Variants in ANGPT2 observed in about 807,000 individuals in gnomAD.
The protein encoded by ANGPT2 is angiopoietin-2.
ANGPT2 carries 28 observed loss-of-function variants against 62.9 expected under a neutral mutation model. That is an observed-to-expected ratio of 0.44 (90% CI 0.33 to 0.61). The LOEUF is 0.61. Ranked by LOEUF, ANGPT2 falls within the 20% of genes least tolerant of loss-of-function variation. ANGPT2 has a pLI of 0.03. For synonymous variants in ANGPT2, 284 were observed against 207.8 expected, an observed-to-expected ratio of 1.37 and a Z score of -3.15; for missense variants, 727 against 594.9, an observed-to-expected ratio of 1.22 and a Z score of -2.31.
At chr8:6,534,691 G>T (rs1020915038) in intron 1 of ANGPT2, among the ~76,000 whole-genome samples, 2 of 152,156 alleles carry the variant, frequency 1.3e-5, no homozygotes, top group African/African-American at 2.4e-5. Context: ...CGGCAGGCCA[G>T]CAACCATCTC....
intron 1 of ANGPT2, among the ~76,000 whole-genome samples, chr8:6,547,958 G>C (rs953285247): frequency 6.6e-6 from 1 of 151,246 alleles, no homozygotes; most frequent in Non-Finnish European, 1.5e-5. Flanking sequence ...CTACGAGCCA[G>C]TTTAATTTTA....
intron 5 of ANGPT2, 141 bp downstream of exon 5, chr8:6,519,723 G>C (rs1242253422): frequency 9.8e-7 from 1 of 1,018,086 alleles, no homozygotes; most frequent in Non-Finnish European, 1.4e-6. Context: ...TCTAGGCGAG[G>C]TAGCTGCCCA....
At chr8:6,516,598 C>T (rs568921584) in intron 5 of ANGPT2, among the ~76,000 whole-genome samples, 29 of 152,290 alleles carry the variant, frequency 1.9e-4, no homozygotes, top group African/African-American at 6.7e-4. Context: ...CAGTGCTGCT[C>T]ACTTCTATCA....
intron 2 of ANGPT2, among the ~76,000 whole-genome samples, chr8:6,531,086 G>A (rs1434833850): frequency 1.3e-5 from 2 of 152,194 alleles, no homozygotes; most frequent in Non-Finnish European, 2.9e-5. Context: ...GAGTCAGAAA[G>A]CGGGCTTGGC....
In ANGPT2 at chr8:6,562,824, C is replaced by T; in HGVS notation, c.111G>A (p.Gln37=). ...DSIGKKQYQV[Q]HGSCSYTFLL... is the part of the protein sequence containing the mutation. ...GGAAAGTGTAGCTGCAGGACCCATG[C>T]TGGACCTGATATTGCTTCTTTCCTA... The change falls in exon 1 of 9, where the codon CAG becomes CAA. Residue 37 remains glutamine (Q), a synonymous_variant. Transcript: ENST00000629816. The T allele has an allele frequency of 1.9e-6, 3 of 1,613,830 alleles. No homozygotes were observed. The highest frequency in any genetic ancestry group is 2.5e-6 in the Non-Finnish European group (3 of 1,179,960).
At position 6,519,332 on chromosome 8, in the gene ANGPT2, G is replaced by A. The variant is rs1329761051; in HGVS notation, c.927+532C>T. ...TTGCTCAGATAGAGCAAAAACCATG[G>A]TGGGTAAAACTGCCACCATCCCCGT... is the stretch of plus-strand genomic sequence containing the variant. On this transcript the variant is annotated intron_variant, in intron 5 of 8. Coordinates refer to ENST00000629816, the MANE Select transcript of ANGPT2 (RefSeq NM_001118887.2). Among the ~76,000 whole-genome samples the A allele has an allele frequency of 2.0e-5, 3 of 152,290 alleles. No homozygotes were observed. The East Asian group carries it at 5.8e-4, about 29-fold the overall frequency.
In ANGPT2 at chr8:6,502,307, G is replaced by T. The variant is rs1812341865; in HGVS notation, c.*794C>A. On this transcript the variant is annotated 3_prime_UTR_variant, in exon 9 of 9. Coordinates refer to ENST00000629816, the MANE Select transcript of ANGPT2 (RefSeq NM_001118887.2). ...TAAACATAGGCATATCCCCTAATAAGTTATATTTAATTACTAAAAATACCT... is the reference window on the plus strand; with the variant it reads ...TAAACATAGGCATATCCCCTAATAATTTATATTTAATTACTAAAAATACCT... 6.6e-6 allele frequency: 1 copy of T among 151,974 alleles called. No individual in the cohort carries two copies. Among genetic ancestry groups the T allele is most frequent in the African/African-American group, 2.4e-5 (1 of 41,370 alleles). 9.4% of individuals were successfully genotyped at this position (151,974 alleles called of 1,614,324 possible).
At chr8:6,522,241 G>A (rs1056588599) in intron 3 of ANGPT2, among the ~76,000 whole-genome samples, 1 of 152,090 alleles carries the variant, frequency 6.6e-6, no homozygotes, top group Non-Finnish European at 1.5e-5. Context: ...TGTAGTCACA[G>A]CTACTCTGGA....
intron 7 of ANGPT2, among the ~76,000 whole-genome samples, chr8:6,510,015 C>T (rs956293288): frequency 6.6e-6 from 1 of 152,156 alleles, no homozygotes; most frequent in East Asian, 1.9e-4. Flanking sequence ...TGCGTATCAC[C>T]TTCACACCAT....
intron 1 of ANGPT2, among the ~76,000 whole-genome samples, chr8:6,553,361 A>G (rs879445398): frequency 3.3e-5 from 5 of 152,262 alleles, no homozygotes; most frequent in Non-Finnish European, 7.3e-5. Context: ...AGATTGCACC[A>G]GTAAACCTAG....
At chr8:6,518,240 A>T (rs1816667539) in intron 5 of ANGPT2, among the ~76,000 whole-genome samples, 1 of 152,110 alleles carries the variant, frequency 6.6e-6, no homozygotes, top group Admixed American at 6.5e-5. Flanking sequence ...CCCCCTCTTG[A>T]CACTCCTGTC....
Position 6,508,995 on chromosome 8 carries a change from A to T in ANGPT2, c.1264T>A (p.Phe422Ile). The T allele has an allele frequency of 6.2e-7, 1 of 1,614,162 alleles. No homozygotes were observed. Among genetic ancestry groups the T allele is most frequent in the Non-Finnish European group, 8.5e-7 (1 of 1,180,034 alleles). The change falls in exon 8 of 9, where the codon TTT (phenylalanine) becomes ATT (isoleucine). Residue 422 changes from phenylalanine (F) to isoleucine (I), a missense_variant. Physicochemically the swap from Phe to Ile is conservative, Grantham distance 21. Transcript: ENST00000629816. ...TCGTTGTCTCCATCCTTTGTGCTAA[A>T]ATCATTTCCTGGTTGGCTGATGCTG... ...ISSISQPGNDFSTKDGDNDKC... is the reference protein window; with the variant it reads ...ISSISQPGNDISTKDGDNDKC...
Position 6,520,003 on chromosome 8 carries a change from A to C in ANGPT2, c.800-12T>G. The C allele has an allele frequency of 6.2e-7, 1 of 1,612,900 alleles. No homozygotes were observed. Among genetic ancestry groups the C allele is most frequent in the East Asian group, 2.2e-5 (1 of 44,866 alleles). On this transcript the variant is annotated splice_polypyrimidine_tract_variant and intron_variant, in intron 4 of 8. Coordinates refer to ENST00000629816, the MANE Select transcript of ANGPT2 (RefSeq NM_001118887.2). ...AGTGGGGTCCTTAGCTGCTTTTAAA[A>C]AATAGTAAGGCATTTAAACGGAGTT...
intron 1 of ANGPT2, among the ~76,000 whole-genome samples, chr8:6,550,937 CCT>C (rs532474941): frequency 9.7e-4 from 147 of 152,290 alleles, no homozygotes; most frequent in African/African-American, 3.5e-3. Context: ...GGAAGGAGTG[CCT>C]CTCTCTGTTT....
At chr8:6,517,126 A>T (rs1386012765) in intron 5 of ANGPT2, among the ~76,000 whole-genome samples, 1 of 152,234 alleles carries the variant, frequency 6.6e-6, no homozygotes, top group East Asian at 1.9e-4. Context: ...ATACTGAGTA[A>T]AAGTGCTGAA....
In ANGPT2 at chr8:6,501,355, TAC is replaced by T. The variant is rs912890766; in HGVS notation, c.*1744_*1745del. 1 of 152,186 alleles carries T rather than the reference TAC, an allele frequency of 6.6e-6. No individual in the cohort carries two copies. The highest frequency in any genetic ancestry group is 1.5e-5 in the Non-Finnish European group (1 of 68,024). 9.4% of individuals were successfully genotyped at this position (152,186 alleles called of 1,614,324 possible). Reference sequence around the variant, plus strand: ...AGACAGACATATAGTAGATGCTAGTTACAGACTGGACTCTGAACTTCCTTGCA... The same window carrying T: ...AGACAGACATATAGTAGATGCTAGTTAGACTGGACTCTGAACTTCCTTGCA... On this transcript the variant is annotated 3_prime_UTR_variant, in exon 9 of 9. Transcript: ENST00000629816.
intron 1 of ANGPT2, among the ~76,000 whole-genome samples, chr8:6,557,383 G>A (rs1311495780): frequency 6.6e-6 from 1 of 152,190 alleles, no homozygotes; most frequent in Non-Finnish European, 1.5e-5. Context: ...TGTGGAAAGT[G>A]CTTTAAGGTG....
intron 3 of ANGPT2, among the ~76,000 whole-genome samples, chr8:6,527,156 G>A (rs905711718): frequency 1.3e-5 from 2 of 152,042 alleles, no homozygotes; most frequent in African/African-American, 4.8e-5. Flanking sequence ...AGCACTAGCT[G>A]TATTTTTATA....
chr8:6,521,895 C>T (rs1817408523), intron 3 of ANGPT2, among the ~76,000 whole-genome samples: 1 of 152,170 alleles, frequency 6.6e-6, no homozygotes, highest in African/African-American at 2.4e-5. Flanking sequence ...GTGAGAAATA[C>T]TCCTTCATGG....
Sources: allele counts gnomAD v4.1 joint callset (sites outside exome capture counted in the v4.1 genomes callset), GRCh38; gene constraint gnomAD v4.1.1; transcripts MANE v1.5; gene names NCBI Gene and HGNC (gene_info 2026-07-23, HGNC 2026-07-21).